The following BAZ2B variants were observed in gnomAD, a reference collection of about 807,000 sequenced individuals.
BAZ2B encodes bromodomain adjacent to zinc finger domain 2B, also known as bromodomain adjacent to zinc finger domain protein 2B.
In BAZ2B, 91 loss-of-function variants were observed where a neutral mutation model predicts 246.0. The ratio of observed to expected loss-of-function variants is 0.37; its 90% CI spans 0.31 to 0.44. BAZ2B has a LOEUF of 0.44. Ranked by LOEUF, BAZ2B falls within the 20% of genes least tolerant of loss-of-function variation. The pLI is 1.00. For synonymous variants in BAZ2B, 855 were observed against 860.0 expected, an observed-to-expected ratio of 0.99 and a Z score of 0.10; for missense variants, 2,332 against 2,533.7, an observed-to-expected ratio of 0.92 and a Z score of 1.71.
At chr2:159,538,741 A>T (rs1254365703) in intron 2 of BAZ2B, among the ~76,000 whole-genome samples, 1 of 152,238 alleles carries the variant, frequency 6.6e-6, no homozygotes, top group African/African-American at 2.4e-5. Context: ...TACTCAAAAA[A>T]CATAGTGGCA....
chr2:159,498,829 T>G (rs1173796376), intron 2 of BAZ2B, among the ~76,000 whole-genome samples: 1 of 152,222 alleles, frequency 6.6e-6, no homozygotes, highest in Non-Finnish European at 1.5e-5. Context: ...CACTTGTCCA[T>G]GTCTTACTGT....
At chr2:159,349,428 A>G in intron 28 of BAZ2B, 148 bp from the exon 29 acceptor site, 1 of 938,364 alleles carries the variant, frequency 1.1e-6, no homozygotes, top group African/African-American at 1.7e-5. Context: ...TAGCAACAAA[A>G]ATGTTAAATT....
Position 159,334,553 on chromosome 2 carries a change from G to A in BAZ2B, c.5797-1867C>T, listed in dbSNP as rs1575702103. Among the ~76,000 whole-genome samples the A allele has an allele frequency of 2.0e-5, 3 of 152,260 alleles. No homozygotes were observed. In the East Asian group the frequency reaches 5.8e-4, roughly 29 times the overall value. On this transcript the variant is annotated intron_variant, in intron 33 of 36. Transcript: ENST00000392783. Reference sequence around the variant, plus strand: ...ACTGTTATGTCTCTAAAGGTTATAAGGTGCTTCTTAATCTTTGAATATGAA... The same window carrying A: ...ACTGTTATGTCTCTAAAGGTTATAAAGTGCTTCTTAATCTTTGAATATGAA...
At chr2:159,605,826 C>A (rs943909241) in intron 1 of BAZ2B, among the ~76,000 whole-genome samples, 6 of 152,192 alleles carry the variant, frequency 3.9e-5, no homozygotes, top group Admixed American at 3.3e-4. Flanking sequence ...CCATTTCACA[C>A]ACAGTACAAA....
intron 20 of BAZ2B, among the ~76,000 whole-genome samples, chr2:159,391,306 T>C (rs1424218546): frequency 6.6e-6 from 1 of 152,176 alleles, no homozygotes; most frequent in Non-Finnish European, 1.5e-5. Flanking sequence ...ATAGCCCAGA[T>C]GTGTAGCAGT....
At chr2:159,373,451 A>C (rs972184325) in intron 26 of BAZ2B, among the ~76,000 whole-genome samples, 1 of 152,226 alleles carries the variant, frequency 6.6e-6, no homozygotes, top group Admixed American at 6.5e-5. Context: ...CTTTTACTTG[A>C]TAATAAACAA....
chr2:159,610,457 G>A (rs936989004), intron 1 of BAZ2B, among the ~76,000 whole-genome samples: 10 of 152,148 alleles, frequency 6.6e-5, no homozygotes, highest in South Asian at 2.1e-4. Context: ...GGAGTGCACC[G>A]TCTTTGATTA....
chr2:159,626,737 C>T, the BAZ2B span, among the ~76,000 whole-genome samples: 1 of 152,126 alleles, frequency 6.6e-6, no homozygotes, highest in Non-Finnish European at 1.5e-5. Flanking sequence ...AATTGACACT[C>T]TAACATCACA....
intron 36 of BAZ2B, among the ~76,000 whole-genome samples, chr2:159,320,992 A>G (rs1028132047): frequency 6.6e-6 from 1 of 152,236 alleles, no homozygotes; most frequent in African/African-American, 2.4e-5. Flanking sequence ...CCAAACAAGC[A>G]AAACAAGCAT....
At chr2:159,409,718 C>T (rs1390711577) in intron 14 of BAZ2B, among the ~76,000 whole-genome samples, 1 of 152,132 alleles carries the variant, frequency 6.6e-6, no homozygotes, top group East Asian at 1.9e-4. Flanking sequence ...TTCATTTTTA[C>T]TTTCTTTTCT....
At chr2:159,494,195 C>T (rs1306972612) in intron 2 of BAZ2B, among the ~76,000 whole-genome samples, 1 of 152,056 alleles carries the variant, frequency 6.6e-6, no homozygotes, top group African/African-American at 2.4e-5. Context: ...CTCTTTAGTC[C>T]CAGTTACAGC....
intron 11 of BAZ2B, 140 bp downstream of exon 11, chr2:159,429,060 G>A: frequency 1.9e-6 from 1 of 517,384 alleles, no homozygotes; most frequent in Non-Finnish European, 3.2e-6. Flanking sequence ...CTTGCCCTTT[G>A]CTCCGGCTCT....
At chr2:159,446,118 G>GAAGAAGAAAGAAAA (rs541593168) in intron 6 of BAZ2B, among the ~76,000 whole-genome samples, 240 of 152,124 alleles carry the variant, frequency 1.6e-3, no homozygotes, top group African/African-American at 5.7e-3. Context: ...TGTCAAAGGA[G>GAAGAAGAAAGAAAA]AAGAAGAAAG....
intron 2 of BAZ2B, among the ~76,000 whole-genome samples, chr2:159,496,513 G>A (rs1410474712): frequency 7.0e-5 from 10 of 142,684 alleles, no homozygotes; most frequent in African/African-American, 2.3e-4. Flanking sequence ...AGCCAGCCAC[G>A]GTGGCTCATG....
At chr2:159,362,880 G>C (rs1409857300) in intron 27 of BAZ2B, among the ~76,000 whole-genome samples, 2 of 146,264 alleles carry the variant, frequency 1.4e-5, no homozygotes, top group African/African-American at 5.0e-5. Context: ...CTCTAGAAGG[G>C]AAGGTGGGGC....
chr2:159,322,994 C>CCT (rs1558930465), intron 36 of BAZ2B, among the ~76,000 whole-genome samples: 1 of 137,242 alleles, frequency 7.3e-6, no homozygotes, highest in Non-Finnish European at 1.6e-5. Context: ...GATTTTGTAG[C>CCT]TTTTTTTTTT....
chr2:159,606,566 TGAACTAAACTTA>T (rs1693545458), intron 1 of BAZ2B, among the ~76,000 whole-genome samples: 1 of 152,194 alleles, frequency 6.6e-6, no homozygotes, highest in South Asian at 2.1e-4. Flanking sequence ...AGCATGGCTT[TGAACTAAACTTA>T]GACACTAGAT....
intron 21 of BAZ2B, among the ~76,000 whole-genome samples, chr2:159,386,964 A>C: frequency 6.6e-6 from 1 of 152,206 alleles, no homozygotes; most frequent in East Asian, 1.9e-4. Flanking sequence ...CAAAAATTAA[A>C]TAAAATATAA....
At chr2:159,560,424 T>G (rs2089707516) in intron 1 of BAZ2B, among the ~76,000 whole-genome samples, 1 of 152,234 alleles carries the variant, frequency 6.6e-6, no homozygotes, top group Non-Finnish European at 1.5e-5. Context: ...AAAAATAATC[T>G]CACAAATCAT....
Sources: allele counts gnomAD v4.1 joint callset (sites outside exome capture counted in the v4.1 genomes callset), GRCh38; gene constraint gnomAD v4.1.1; transcripts MANE v1.5; gene names NCBI Gene and HGNC (gene_info 2026-07-23, HGNC 2026-07-21).